Variants in MMP20 observed in about 807,000 individuals in gnomAD.
MMP20 encodes the protein matrix metalloproteinase-20.
In MMP20, 50 loss-of-function variants were observed where a neutral mutation model predicts 51.8. The observed-to-expected ratio is 0.97, with a 90% confidence interval of 0.77 to 1.22. The LOEUF (loss-of-function observed/expected upper bound fraction) is 1.22. MMP20 is among the 50% of genes most tolerant of loss of function. MMP20 has a pLI of 0.00. For missense variants in MMP20, 663 were observed against 601.4 expected (o/e 1.10, Z -1.07); for synonymous variants, 244 against 216.2 (o/e 1.13, Z -1.13).
rs147615125 is a variant in MMP20, at chr11:102,594,743, C to G, written c.968G>C (p.Arg323Pro). Residue 323 changes from arginine to proline, a missense_variant, in exon 7 of 10, where the codon CGG becomes CCG. Transcript: ENST00000260228. ...AATTCCTGTCCGCAAGTGAACCTGC[C>G]GTCTCCAGAAAATCCTATGGGACAT... ...LLFKDRIFWRRQVHLRTGIRP... is the reference protein window; with the variant it reads ...LLFKDRIFWRPQVHLRTGIRP... 1 of 1,603,826 alleles carries G rather than the reference C, an allele frequency of 6.2e-7. No homozygotes were observed. The highest frequency in any genetic ancestry group is 8.5e-7 in the Non-Finnish European group (1 of 1,177,890).
intron 6 of MMP20, among the ~76,000 whole-genome samples, chr11:102,597,732 G>A (rs911735446): frequency 3.3e-5 from 5 of 152,124 alleles, no homozygotes; most frequent in African/African-American, 1.2e-4. Context: ...AGAAATAAAT[G>A]CTATCCATCA....
At chr11:102,606,980 G>A (rs976563132) in intron 5 of MMP20, 10 of 395,828 alleles carry the variant, frequency 2.5e-5, no homozygotes, top group Non-Finnish European at 4.8e-5. Context: ...AGGTAGCAGA[G>A]TGCTTGGCAC....
intron 8 of MMP20, among the ~76,000 whole-genome samples, chr11:102,589,080 A>C (rs1859284919): frequency 1.3e-5 from 2 of 152,196 alleles, no homozygotes. Flanking sequence ...TGATCTCCCT[A>C]GAAAGGCATT....
chr11:102,593,365 G>T (rs548985085), intron 8 of MMP20, 74 bp downstream of exon 8: 2 of 1,525,576 alleles, frequency 1.3e-6, no homozygotes, highest in African/African-American at 2.8e-5. Flanking sequence ...GCATTCTTTC[G>T]TGGAAGGGTT....
chr11:102,591,443 A>T (rs1454806998), intron 8 of MMP20, among the ~76,000 whole-genome samples: 1 of 152,226 alleles, frequency 6.6e-6, no homozygotes, highest in Non-Finnish European at 1.5e-5. Context: ...CAACTTGTTA[A>T]GAAATTATTT....
chr11:102,612,212 C>T (rs1016559454), intron 2 of MMP20, among the ~76,000 whole-genome samples: 8 of 152,144 alleles, frequency 5.3e-5, no homozygotes, highest in Admixed American at 1.3e-4. Flanking sequence ...CGCCTGTAAT[C>T]CCAGCACTTT....
chr11:102,586,792 G>A (rs1321121722), intron 8 of MMP20, among the ~76,000 whole-genome samples: 1 of 152,004 alleles, frequency 6.6e-6, no homozygotes, highest in Non-Finnish European at 1.5e-5. Context: ...ACTCCAGCCT[G>A]GGGGACAGAG....
intron 2 of MMP20, 98 bp from the exon 3 acceptor site, chr11:102,612,001 A>C: frequency 1.7e-6 from 2 of 1,188,428 alleles, no homozygotes; most frequent in South Asian, 1.3e-5. Context: ...GTAAATCTAC[A>C]ATTTAGATTT....
At chr11:102,624,660 GA>G in intron 1 of MMP20, among the ~76,000 whole-genome samples, 1 of 152,158 alleles carries the variant, frequency 6.6e-6, no homozygotes, top group African/African-American at 2.4e-5. Flanking sequence ...ATGCTTTAGG[GA>G]GAAAAGGCCT....
intron 8 of MMP20, among the ~76,000 whole-genome samples, chr11:102,581,535 T>C (rs899362422): frequency 2.0e-5 from 3 of 151,962 alleles, no homozygotes; most frequent in African/African-American, 7.3e-5. Context: ...GATTATATGA[T>C]AGGATGAAGA....
At chr11:102,596,083 A>G (rs576098218) in intron 6 of MMP20, among the ~76,000 whole-genome samples, 3 of 152,226 alleles carry the variant, frequency 2.0e-5, no homozygotes, top group Non-Finnish European at 4.4e-5. Context: ...CCCTGCCCTC[A>G]ATATGTTTAC....
rs1859459351 is a variant in MMP20, at chr11:102,602,375, AT to A, written c.953+4159del. 2.0e-5 allele frequency among the ~76,000 whole-genome samples: 3 copies of A among 152,228 alleles called. No homozygotes were observed. The South Asian group carries it at 6.2e-4, about 32-fold the overall frequency. ...ATAGAATCCTATTTTGGAAAAAAAAATGTGAAGAAACATATTAGACATCCTT... is the reference window on the plus strand; with the variant it reads ...ATAGAATCCTATTTTGGAAAAAAAAAGTGAAGAAACATATTAGACATCCTT... On this transcript the variant is annotated intron_variant, in intron 6 of 9. Transcript: ENST00000260228.
At chr11:102,580,038 T>C (rs1428925266) in intron 8 of MMP20, among the ~76,000 whole-genome samples, 2 of 152,228 alleles carry the variant, frequency 1.3e-5, no homozygotes, top group Non-Finnish European at 2.9e-5. Flanking sequence ...CAAGTAAATA[T>C]GTAATAATTG....
intron 6 of MMP20, among the ~76,000 whole-genome samples, chr11:102,601,954 T>TC (rs200948373): frequency 7.0e-6 from 1 of 143,504 alleles, no homozygotes. Flanking sequence ...TTTCTTTCTT[T>TC]TTTTTTTTTT....
chr11:102,593,555 AC>A lies in MMP20; in HGVS notation c.1130del (p.Gly377ValfsTer18). On this transcript the variant is annotated frameshift_variant, in exon 8 of 10. Coordinates refer to ENST00000260228, the MANE Select transcript of MMP20 (RefSeq NM_004771.4). LOFTEE classifies it high-confidence loss of function. ...YWITRGFQMQ[G>X]PPRTIYDFGF... ...CAAAGTCATAAATAGTCCGAGGAGG[AC>A]CTTGCATTTGGAATCCTCTTGTTAT... The A allele has an allele frequency of 6.2e-7, 1 of 1,614,096 alleles. No homozygotes were observed. The highest frequency in any genetic ancestry group is 8.5e-7 in the Non-Finnish European group (1 of 1,179,982).
intron 9 of MMP20, among the ~76,000 whole-genome samples, chr11:102,577,754 G>C (rs750394157): frequency 1.3e-5 from 2 of 152,118 alleles, no homozygotes. Flanking sequence ...TTAAGCCTCC[G>C]GCCAATCTTC....
chr11:102,596,560 A>T (rs10895321), intron 6 of MMP20, among the ~76,000 whole-genome samples: 53,325 of 152,098 alleles, frequency 0.35, 9,671 homozygotes, highest in East Asian at 0.45. Context: ...GGCCTTAATT[A>T]CCTGGTAATT....
rs142180012 is a variant in MMP20 at position 102,611,758 on chromosome 11, C to A, written c.520G>T (p.Gly174Ter). 7 of 1,613,828 alleles carry A rather than the reference C, an allele frequency of 4.3e-6. No homozygotes were observed. The highest frequency in any genetic ancestry group is 5.9e-6 in the Non-Finnish European group (7 of 1,180,014). The change falls in exon 3 of 10, where the codon GGA (glycine) becomes TGA (stop). Residue 174 changes from glycine (G) to a stop codon, truncating the protein, a stop_gained. Coordinates refer to ENST00000260228, the MANE Select transcript of MMP20 (RefSeq NM_004771.4). LOFTEE classifies it high-confidence loss of function. ...EADIMISFEN[G>*]DHGDSYPFDG... ...TGGAATCCAAGTACCACAATACCTC[C>A]ATTTTCAAAAGATATCATAATATCC...
chr11:102,604,847 A>G, intron 6 of MMP20, among the ~76,000 whole-genome samples: 1 of 152,226 alleles, frequency 6.6e-6, no homozygotes, highest in East Asian at 1.9e-4. Context: ...AATCAACACC[A>G]CTAGTAAAAT....
Sources: gnomAD v4.1 joint callset for allele counts (sites outside exome capture counted in the v4.1 genomes callset) on GRCh38, gnomAD v4.1.1 for gene constraint, MANE v1.5 for transcripts, NCBI Gene and HGNC (gene_info 2026-07-23, HGNC 2026-07-21) for gene names.